The following SYNPO2 variants were observed in gnomAD, a reference collection of about 807,000 sequenced individuals.
The protein encoded by SYNPO2 is synaptopodin-2.
SYNPO2 carries 56 observed loss-of-function variants against 85.0 expected under a neutral mutation model. The ratio of observed to expected loss-of-function variants is 0.66; its 90% CI spans 0.53 to 0.82. The LOEUF is 0.82. SYNPO2 is among the 40% of genes least tolerant of loss of function. The probability of loss-of-function intolerance (pLI) is 0.00; values close to 1 mark genes in which losing one functional copy is unlikely to be tolerated. For missense variants in SYNPO2, 1,575 were observed against 1,534.2 expected, an observed-to-expected ratio of 1.03 and a Z score of -0.44; for synonymous variants, 602 against 591.1, an observed-to-expected ratio of 1.02 and a Z score of -0.27.
intron 1 of SYNPO2, among the ~76,000 whole-genome samples, chr4:118,897,936 A>G (rs1732601037): frequency 6.6e-6 from 1 of 152,246 alleles, no homozygotes; most frequent in Non-Finnish European, 1.5e-5. Flanking sequence ...GACATTAAGT[A>G]TAATCTCAAT....
intron 4 of SYNPO2, among the ~76,000 whole-genome samples, chr4:119,044,929 G>A (rs528858763): frequency 6.6e-6 from 1 of 152,056 alleles, no homozygotes; most frequent in Non-Finnish European, 1.5e-5. Context: ...CCATTAACTC[G>A]CTTTGAATTG....
Position 118,922,907 on chromosome 4 carries a change from T to C in SYNPO2, c.105+33766T>C, listed in dbSNP as rs571649172. ...TTATTAGAGTATCATCCATATAGTATAGTTTAGCCATATTTGGACTAGCTG... is the reference window on the plus strand; with the variant it reads ...TTATTAGAGTATCATCCATATAGTACAGTTTAGCCATATTTGGACTAGCTG... On this transcript the variant is annotated intron_variant, in intron 1 of 4. Coordinates refer to ENST00000307142, the MANE Select transcript of SYNPO2 (RefSeq NM_133477.3). Among the ~76,000 whole-genome samples, 17 of 152,280 alleles carry C rather than the reference T, an allele frequency of 1.1e-4. No individual in the cohort carries two copies. In the South Asian group the frequency reaches 3.3e-3, roughly 30 times the overall value.
At chr4:118,972,476 A>G (rs1333561085) in intron 1 of SYNPO2, among the ~76,000 whole-genome samples, 1 of 152,220 alleles carries the variant, frequency 6.6e-6, no homozygotes, top group African/African-American at 2.4e-5. Flanking sequence ...TGAGATTTCA[A>G]GCAGAATCTG....
intron 1 of SYNPO2, among the ~76,000 whole-genome samples, chr4:118,862,092 A>G (rs1168797420): frequency 1.3e-5 from 2 of 152,054 alleles, no homozygotes; most frequent in Non-Finnish European, 2.9e-5. Context: ...TTTTATTTGT[A>G]GCTATTGTAA....
At chr4:118,877,381 G>GC (rs1731945892) in intron 1 of SYNPO2, among the ~76,000 whole-genome samples, 1 of 152,034 alleles carries the variant, frequency 6.6e-6, no homozygotes, top group Middle Eastern at 3.2e-3. Flanking sequence ...AAACTAAAGA[G>GC]CTTTTGCACA....
chr4:118,987,017 T>C (rs1736245224), intron 1 of SYNPO2, among the ~76,000 whole-genome samples: 2 of 152,240 alleles, frequency 1.3e-5, no homozygotes, highest in South Asian at 4.1e-4. Context: ...ACAGTTTTGC[T>C]GAATTATGCT....
intron 1 of SYNPO2, chr4:119,005,882 C>G (rs1219117593): frequency 1.3e-5 from 2 of 152,174 alleles, no homozygotes; most frequent in African/African-American, 4.8e-5. Context: ...CTAAGCTAGT[C>G]TAGGAACATT....
chr4:119,007,229 T>TATATATATATATATATAC (rs1737072259), intron 1 of SYNPO2, among the ~76,000 whole-genome samples: 2 of 48,058 alleles, frequency 4.2e-5, no homozygotes, highest in African/African-American at 1.8e-4. Context: ...TATATATATA[T>TATATATATATATATATAC]ATATATATAT....
intron 1 of SYNPO2, among the ~76,000 whole-genome samples, chr4:118,974,096 A>G (rs1735638755): frequency 6.6e-6 from 1 of 152,244 alleles, no homozygotes; most frequent in Non-Finnish European, 1.5e-5. Flanking sequence ...ACATAGCTAA[A>G]TATTAAACCT....
intron 4 of SYNPO2, chr4:119,035,661 C>A (rs964267604): frequency 4.1e-6 from 4 of 985,132 alleles, no homozygotes; most frequent in Admixed American, 6.2e-5. Context: ...CATAGGAAAA[C>A]CAATCTGAGC....
rs149219584 is a variant in SYNPO2 at position 118,921,779 on chromosome 4, G to GCACACA, written c.105+32657_105+32662dup. ...AATTGCTTACAGTTACTTTTCATAT[G>GCACACA]CACACACACACACACACACACACAT... is the stretch of plus-strand genomic sequence containing the variant. On this transcript the variant is annotated intron_variant, in intron 1 of 4. Coordinates refer to ENST00000307142, the MANE Select transcript of SYNPO2 (RefSeq NM_133477.3). Among the ~76,000 whole-genome samples the GCACACA allele has an allele frequency of 1.2e-3, 181 of 148,500 alleles. 2 individuals carry two copies. The highest frequency in any genetic ancestry group is 4.2e-3 in the African/African-American group (170 of 40,574).
At position 119,030,402 on chromosome 4, in the gene SYNPO2, T is replaced by A; in HGVS notation, c.1627T>A (p.Ser543Thr). The change falls in exon 4 of 5, where the codon TCG (serine) becomes ACG (threonine). Residue 543 changes from serine to threonine, a missense_variant. Transcript: ENST00000307142. The stretch of plus-strand genomic sequence containing the variant: ...TTCTTACCAAAGAAAGGAGGAAGAG[T>A]CGGTAAGAACGCAGAGCTCTGTGAG... ...TTSYQRKEEESVRTQSSVSKS... is the reference protein window; with the variant it reads ...TTSYQRKEEETVRTQSSVSKS... 6.2e-7 allele frequency: 1 copy of A among 1,612,838 alleles called. No homozygotes were observed. Among genetic ancestry groups the A allele is most frequent in the Non-Finnish European group, 8.5e-7 (1 of 1,179,668 alleles).
At chr4:118,942,937 T>TAGTGAAA (rs112281576) in intron 1 of SYNPO2, among the ~76,000 whole-genome samples, 27,471 of 151,860 alleles carry the variant, frequency 0.18, 2,889 homozygotes, top group Non-Finnish European at 0.25. Context: ...TGAAACTCCA[T>TAGTGAAA]CTCTACTAAA....
chr4:118,885,628 A>G (rs1732186003), upstream of SYNPO2, among the ~76,000 whole-genome samples: 2 of 152,046 alleles, frequency 1.3e-5, no homozygotes, highest in African/African-American at 4.8e-5. Context: ...GTGCACCACC[A>G]CGCCCAGCTA....
At chr4:119,012,066 G>T (rs1009702490) in intron 1 of SYNPO2, among the ~76,000 whole-genome samples, 28 of 152,092 alleles carry the variant, frequency 1.8e-4, no homozygotes, top group African/African-American at 6.5e-4. Context: ...AGGATTACAG[G>T]TACCTGCCAC....
chr4:118,998,412 A>G (rs1736696315), intron 1 of SYNPO2, among the ~76,000 whole-genome samples: 2 of 152,214 alleles, frequency 1.3e-5, no homozygotes, highest in African/African-American at 4.8e-5. Flanking sequence ...GGTATTTTCT[A>G]TGTGTCTGAT....
intron 1 of SYNPO2, among the ~76,000 whole-genome samples, chr4:118,956,148 G>T (rs1213534729): frequency 1.3e-5 from 2 of 152,028 alleles, no homozygotes; most frequent in Non-Finnish European, 2.9e-5. Context: ...GAGAGATTGG[G>T]GTTTTGAAGA....
chr4:118,959,532 G>A (rs573541271), intron 1 of SYNPO2, among the ~76,000 whole-genome samples: 1 of 152,302 alleles, frequency 6.6e-6, no homozygotes, highest in East Asian at 1.9e-4. Context: ...CATGAACAAT[G>A]TGCTTTTTAA....
At chr4:118,856,797 C>T (rs1731514478) in intron 1 of SYNPO2, among the ~76,000 whole-genome samples, 1 of 152,240 alleles carries the variant, frequency 6.6e-6, no homozygotes, top group South Asian at 2.1e-4. Flanking sequence ...CAGGCGTGAG[C>T]CACACCTGGC....
Sources: allele counts gnomAD v4.1 joint callset (sites outside exome capture counted in the v4.1 genomes callset), GRCh38; gene constraint gnomAD v4.1.1; transcripts MANE v1.5; gene names NCBI Gene and HGNC (gene_info 2026-07-23, HGNC 2026-07-21).